The following TVP23A variants were observed in gnomAD, a reference collection of about 807,000 sequenced individuals.
TVP23A encodes trans-golgi network vesicle protein 23 homolog A.
In TVP23A, 21 loss-of-function variants were observed where a neutral mutation model predicts 31.7. That is an observed-to-expected ratio of 0.66 (90% CI 0.47 to 0.95). TVP23A has a LOEUF of 0.95. Ranked by LOEUF, TVP23A falls within the 40% of genes least tolerant of loss-of-function variation. The pLI is 0.00. For missense variants in TVP23A, 279 were observed against 255.6 expected (o/e 1.09, Z -0.62); for synonymous variants, 104 against 96.0 (o/e 1.08, Z -0.49).
At chr16:10,776,126 G>C (rs903806566) in intron 2 of TVP23A, among the ~76,000 whole-genome samples, 1 of 151,758 alleles carries the variant, frequency 6.6e-6, no homozygotes, top group African/African-American at 2.4e-5. Context: ...TGTAATGCCA[G>C]CACATTGGGA....
chr16:10,817,426 C>G (rs1393653626), intron 2 of TVP23A, among the ~76,000 whole-genome samples: 1 of 152,182 alleles, frequency 6.6e-6, no homozygotes, highest in African/African-American at 2.4e-5. Context: ...GTGGGTGTTT[C>G]TAGAAGTGGC....
downstream of TVP23A, among the ~76,000 whole-genome samples, chr16:10,765,486 C>T (rs2030741682): frequency 1.3e-5 from 2 of 151,988 alleles, no homozygotes; most frequent in South Asian, 4.2e-4. The surrounding 1 kb of genome is among the most constrained non-coding windows in gnomAD (Gnocchi z 4.0). Context: ...CCAGCCTGGG[C>T]GACAGAGCAA....
intron 2 of TVP23A, 83 bp from the exon 3 acceptor site, chr16:10,775,179 TG>T: frequency 6.6e-7 from 1 of 1,517,948 alleles, no homozygotes; most frequent in Non-Finnish European, 8.8e-7. Context: ...CAGACTTTGC[TG>T]GGGGTGTTAG....
chr16:10,772,411 C>G (rs560868195), intron 5 of TVP23A, among the ~76,000 whole-genome samples: 1 of 152,296 alleles, frequency 6.6e-6, no homozygotes, highest in Non-Finnish European at 1.5e-5. Context: ...ACTCTGTCAC[C>G]CAGGCTGAAG....
At position 10,767,239 on chromosome 16, in the gene TVP23A, T is replaced by C. The variant is rs1019968206; in HGVS notation, c.*1863A>G. On this transcript the variant is annotated 3_prime_UTR_variant, in exon 8 of 8. Coordinates refer to ENST00000299866, the MANE Select transcript of TVP23A (RefSeq NM_001079512.4). The surrounding 1 kb of genome is among the most constrained non-coding windows in gnomAD (Gnocchi z 4.6). ...CAGACTGGAGGCGAGAACACCCCCATTGACCCCTAGCCCCTTGTGTCCTGT... is the reference window on the plus strand; with the variant it reads ...CAGACTGGAGGCGAGAACACCCCCACTGACCCCTAGCCCCTTGTGTCCTGT... 1 of 399,966 alleles carries C rather than the reference T, an allele frequency of 2.5e-6. No homozygotes were observed. The highest frequency in any genetic ancestry group is 2.1e-5 in the African/African-American group (1 of 48,770). 24.8% of individuals were successfully genotyped at this position (399,966 alleles called of 1,614,324 possible).
exon 9 of TVP23A, chr16:10,761,286 C>G: frequency 7.5e-7 from 1 of 1,324,510 alleles, no homozygotes; most frequent in Non-Finnish European, 1.1e-6. Flanking sequence ...CACTGCATTG[C>G]AGCCATCCCC....
chr16:10,763,015 T>C (rs570813268), downstream of TVP23A, among the ~76,000 whole-genome samples: 37 of 151,868 alleles, frequency 2.4e-4, no homozygotes, highest in East Asian at 7.0e-3. Context: ...CTGGCGTTGG[T>C]GTAGAAAGGA....
intron 2 of TVP23A, among the ~76,000 whole-genome samples, chr16:10,814,686 A>C (rs2034358223): frequency 1.3e-5 from 2 of 152,226 alleles, no homozygotes; most frequent in Admixed American, 1.3e-4. Context: ...GGCTATTTAC[A>C]TTCAAATTAA....
intron 2 of TVP23A, among the ~76,000 whole-genome samples, chr16:10,794,482 T>C (rs1196525353): frequency 1.3e-5 from 2 of 152,168 alleles, no homozygotes; most frequent in South Asian, 4.1e-4. Flanking sequence ...TGTCAACATA[T>C]CCTTTTGGGA....
chr16:10,774,237 G>C, intron 3 of TVP23A, 109 bp from the exon 4 acceptor site: 1 of 760,358 alleles, frequency 1.3e-6, no homozygotes, highest in East Asian at 2.8e-5. Context: ...ACTGGGAGCA[G>C]GAAGAAAAAA....
intron 2 of TVP23A, among the ~76,000 whole-genome samples, chr16:10,776,091 T>C (rs1218472101): frequency 6.6e-6 from 1 of 151,572 alleles, no homozygotes; most frequent in Non-Finnish European, 1.5e-5. Flanking sequence ...AAGTCTGATA[T>C]AGGCCAGGCA....
chr16:10,803,079 T>G (rs1284617617), intron 2 of TVP23A, among the ~76,000 whole-genome samples: 2 of 150,922 alleles, frequency 1.3e-5, no homozygotes, highest in African/African-American at 4.9e-5. Context: ...AGGTCAGGAG[T>G]TCAAGACCAG....
chr16:10,808,536 C>A, intron 2 of TVP23A: 1 of 455,378 alleles, frequency 2.2e-6, no homozygotes, highest in East Asian at 7.0e-5. Flanking sequence ...GTGGCTCATA[C>A]CTTTAATCCC....
downstream of TVP23A, among the ~76,000 whole-genome samples, chr16:10,763,151 C>T (rs1213374913): frequency 1.3e-5 from 2 of 151,956 alleles, no homozygotes; most frequent in Admixed American, 6.6e-5. Context: ...AGAGGGAGGC[C>T]GGGCCCTCTG....
intron 2 of TVP23A, among the ~76,000 whole-genome samples, chr16:10,806,721 C>T (rs1427851475): frequency 2.0e-5 from 3 of 152,096 alleles, no homozygotes; most frequent in African/African-American, 4.8e-5. Flanking sequence ...AGGCTGGTCT[C>T]GAACTCCTGA....
chr16:10,783,869 C>T (rs1462994704), intron 2 of TVP23A, among the ~76,000 whole-genome samples: 2 of 152,242 alleles, frequency 1.3e-5, no homozygotes, highest in East Asian at 3.9e-4. Context: ...CACTATACAA[C>T]GTTCTGGAAA....
chr16:10,789,771 C>A (rs961576107), intron 2 of TVP23A, among the ~76,000 whole-genome samples: 2 of 145,722 alleles, frequency 1.4e-5, no homozygotes, highest in Non-Finnish European at 3.0e-5. Context: ...GTAGAGGTTG[C>A]AGTGAACTAA....
rs2032143765 is a variant in TVP23A, at chr16:10,777,763, G to A, written c.90-2667C>T. ...GTGGTGGCTCACGCCTGTAATCCCAGCACTTTGGGAGGCTGAGGCAGGTGG... is the reference window on the plus strand; with the variant it reads ...GTGGTGGCTCACGCCTGTAATCCCAACACTTTGGGAGGCTGAGGCAGGTGG... On this transcript the variant is annotated intron_variant, in intron 2 of 7. Coordinates refer to ENST00000299866, the MANE Select transcript of TVP23A (RefSeq NM_001079512.4). The surrounding 1 kb of genome is among the most constrained non-coding windows in gnomAD (Gnocchi z 4.5). 6.6e-6 allele frequency among the ~76,000 whole-genome samples: 1 copy of A among 152,174 alleles called. No individual in the cohort carries two copies.
intron 2 of TVP23A, among the ~76,000 whole-genome samples, chr16:10,780,512 G>A (rs1462254964): frequency 6.6e-6 from 1 of 152,124 alleles, no homozygotes; most frequent in African/African-American, 2.4e-5. Flanking sequence ...CACTCATTCA[G>A]TGCTGAGACA....
Sources: gnomAD v4.1 joint callset for allele counts (sites outside exome capture counted in the v4.1 genomes callset) on GRCh38, gnomAD v4.1.1 for gene constraint, Gnocchi (gnomAD v3.1) non-coding constraint, MANE v1.5 for transcripts, NCBI Gene and HGNC (gene_info 2026-07-23, HGNC 2026-07-21) for gene names.